Variants in TTN observed in about 807,000 individuals in gnomAD.
The protein encoded by TTN is titin, also known as connectin.
A neutral mutation model predicts 3,223.0 loss-of-function variants in TTN; 1,525 were observed. The observed-to-expected ratio is 0.47, with a 90% CI of 0.45 to 0.49. The LOEUF (loss-of-function observed/expected upper bound fraction) is 0.49. TTN is among the 20% of genes least tolerant of loss of function. The pLI, the probability that TTN is intolerant of heterozygous loss-of-function variation, is 0.00. For missense variants in TTN, 40,786 were observed against 43,424.0 expected (o/e 0.94, Z 5.40); for synonymous variants, 14,094 against 15,161.0 (o/e 0.93, Z 5.17).
At chr2:178,673,782 A>C in intron 151 of TTN, 72 bp from the exon 152 acceptor site, 1 of 1,034,028 alleles carries the variant, frequency 9.7e-7, no homozygotes, top group Non-Finnish European at 1.4e-6. Context: ...ATACCAATAA[A>C]TAAATATCAC....
chr2:178,782,082 A>G, intron 20 of TTN, 130 bp downstream of exon 20: 1 of 1,154,712 alleles, frequency 8.7e-7, no homozygotes, highest in Non-Finnish European at 1.2e-6. Context: ...AAATACCTCA[A>G]AACAAACTAA....
At position 178,612,242 on chromosome 2, in the gene TTN, A is replaced by G. The variant is rs2056462749; in HGVS notation, c.50248+35T>C. On this transcript the variant is annotated intron_variant, in intron 266 of 362. Transcript: ENST00000589042. ...TGTCACAAAAATTAAGTGCGAGAGC[A>G]CTTATTGTCACAAAGATTAAGTGCA... 3 of 1,606,946 alleles carry G rather than the reference A, an allele frequency of 1.9e-6. No individual in the cohort carries two copies. The East Asian group carries it at 6.7e-5, about 36-fold the overall frequency.
chr2:178,571,599 T>G lies in TTN; in HGVS notation c.74533A>C (p.Ile24845Leu), dbSNP rs1214451388. Residue 24845 changes from isoleucine to leucine, a missense_variant, in exon 326 of 363, where the codon ATT becomes CTT. By Grantham distance (5) the Ile-to-Leu change is conservative. Coordinates refer to ENST00000589042, the MANE Select transcript of TTN (RefSeq NM_001267550.2). Reference protein sequence around the residue: ...YDGGSSINNYIVEKRDTSTTT... With the variant: ...YDGGSSINNYLVEKRDTSTTT... ...GTGGAAGTGTCCCGTTTCTCAACAA[T>G]GTAATTATTGATAGAACTTCCACCA... The G allele has an allele frequency of 1.4e-5, 22 of 1,613,252 alleles. No homozygotes were observed. Among genetic ancestry groups the G allele is most frequent in the Non-Finnish European group, 1.5e-5 (18 of 1,179,566 alleles).
rs748057827 is a variant in TTN, at chr2:178,542,709, T to A, written c.97145A>T (p.Lys32382Met). ...RDTGEYTLEL[K>M]NVTGTTSETI... ...TTCTGAAGTAGTTCCGGTAACATTC[T>A]TCAATTCAAGTGTGTATTCTCCAGT... is the stretch of plus-strand genomic sequence containing the variant. Residue 32382 changes from lysine to methionine, a missense_variant, in exon 348 of 363, where the codon AAG (lysine) becomes ATG (methionine). By Grantham distance (95) the Lys-to-Met change is moderately conservative. Coordinates refer to ENST00000589042, the MANE Select transcript of TTN (RefSeq NM_001267550.2). The A allele has an allele frequency of 6.2e-7, 1 of 1,613,862 alleles. No homozygotes were observed. The highest frequency in any genetic ancestry group is 1.1e-5 in the South Asian group (1 of 91,080).
Position 178,729,292 on chromosome 2 carries a change from C to T in TTN, c.18864G>A (p.Leu6288=). The part of the protein sequence containing the change: ...GSCSCSTRVA[L]KEPPSFIKKI... The stretch of plus-strand genomic sequence containing the variant: ...GCTGCTTCTTGTATAACTGACCTTT[C>T]AGGGCAACTCTAGTACTGCATGAGC... Residue 6288 remains leucine, a synonymous_variant, in exon 64 of 363, where the codon CTG becomes CTA. Coordinates refer to ENST00000589042, the MANE Select transcript of TTN (RefSeq NM_001267550.2). The T allele has an allele frequency of 1.3e-6, 2 of 1,590,592 alleles. No homozygotes were observed. Among genetic ancestry groups the T allele is most frequent in the Non-Finnish European group, 1.7e-6 (2 of 1,167,076 alleles).
Position 178,666,823 on chromosome 2 carries a change from C to T in TTN, c.35875+1G>A. ...AAAGGTGACTTTCTTCCAACTTGTA[C>T]CTGTTGGTGATGGTGTTTTTCTTCT... On this transcript the variant is annotated splice_donor_variant, in intron 163 of 362. Coordinates refer to ENST00000589042, the MANE Select transcript of TTN (RefSeq NM_001267550.2). LOFTEE classifies it high-confidence loss of function. 1 of 1,558,464 alleles carries T rather than the reference C, an allele frequency of 6.4e-7. No individual in the cohort carries two copies. Among genetic ancestry groups the T allele is most frequent in the Non-Finnish European group, 8.7e-7 (1 of 1,151,978 alleles).
chr2:178,775,049 C>T lies in TTN; in HGVS notation c.6662G>A (p.Arg2221Lys). ...GMEVHEGDKY[R>K]MHSDRKVHFL... ...GTGAACCTTTCTGTCAGAGTGCATCCTGTATTTATCTCCCTCATGAACCTC... is the reference window on the plus strand; with the variant it reads ...GTGAACCTTTCTGTCAGAGTGCATCTTGTATTTATCTCCCTCATGAACCTC... Residue 2221 changes from arginine to lysine, a missense_variant, in exon 29 of 363, where the codon AGG becomes AAG. Transcript: ENST00000589042. The T allele has an allele frequency of 6.2e-7, 1 of 1,614,018 alleles. No homozygotes were observed. The highest frequency in any genetic ancestry group is 8.5e-7 in the Non-Finnish European group (1 of 1,179,964).
chr2:178,625,580 A>G (rs1040637343), intron 240 of TTN, among the ~76,000 whole-genome samples, 184 bp from the exon 241 acceptor site: 2 of 151,768 alleles, frequency 1.3e-5, no homozygotes, highest in Admixed American at 6.6e-5. Context: ...AAATTTATTT[A>G]TTATTATTAT....
At chr2:178,623,046 T>C (rs1440617061) in intron 242 of TTN, among the ~76,000 whole-genome samples, 1 of 151,878 alleles carries the variant, frequency 6.6e-6, no homozygotes, top group Non-Finnish European at 1.5e-5. Flanking sequence ...CTCAGTTCTT[T>C]TGAATAATAG....
intron 218 of TTN, among the ~76,000 whole-genome samples, chr2:178,642,752 A>G (rs1473689807): frequency 6.6e-6 from 1 of 152,070 alleles, no homozygotes; most frequent in East Asian, 1.9e-4. Flanking sequence ...CCACTGAGGG[A>G]AGAAGGTGGC....
At position 178,568,895 on chromosome 2, in the gene TTN, G is replaced by T; in HGVS notation, c.77237C>A (p.Ser25746Ter). The T allele has an allele frequency of 6.2e-7, 1 of 1,613,184 alleles. No homozygotes were observed. The stretch of plus-strand genomic sequence containing the variant: ...AAGAGACTTTACTCGAGCACACTCT[G>T]ACCATTTCTCACTGTGTTTAGCTTG... ...EMQAKHSEKW[S>*]ECARVKSLQA... The change falls in exon 326 of 363, where the codon TCA (serine) becomes TAA (stop). Residue 25746 changes from serine (S) to a stop codon, truncating the protein, a stop_gained. Coordinates refer to ENST00000589042, the MANE Select transcript of TTN (RefSeq NM_001267550.2). LOFTEE classifies it high-confidence loss of function.
In TTN at chr2:178,529,153, T is replaced by G. The variant is rs748516726; in HGVS notation, c.106598A>C (p.Lys35533Thr). 6.3e-7 allele frequency: 1 copy of G among 1,575,080 alleles called. No homozygotes were observed. The highest frequency in any genetic ancestry group is 8.6e-7 in the Non-Finnish European group (1 of 1,164,178). ...QKTSEITPQK[K>T]AVVQEEISQK... ...GGAAATTTCCTCTTGGACAACAGCTTTCTTCTGAGGTGTAATTTCAGAAGT... is the reference window on the plus strand; with the variant it reads ...GGAAATTTCCTCTTGGACAACAGCTGTCTTCTGAGGTGTAATTTCAGAAGT... Residue 35533 changes from lysine (K) to threonine (T), a missense_variant, in exon 360 of 363, where the codon AAA (lysine) becomes ACA (threonine). By Grantham distance (78) the Lys-to-Thr change is moderately conservative. Coordinates refer to ENST00000589042, the MANE Select transcript of TTN (RefSeq NM_001267550.2).
Position 178,609,965 on chromosome 2 carries a change from T to C in TTN, c.51458A>G (p.Asp17153Gly). The C allele has an allele frequency of 6.2e-7, 1 of 1,612,062 alleles. No homozygotes were observed. Among genetic ancestry groups the C allele is most frequent in the Non-Finnish European group, 8.5e-7 (1 of 1,178,960 alleles). Residue 17153 changes from aspartate (D) to glycine (G), a missense_variant, in exon 272 of 363, where the codon GAT (aspartate) becomes GGT (glycine). Transcript: ENST00000589042. ...CGCTGTAGGATTATGAACCTCTACA[T>C]CTACAGGTGGATCAGGGGGTTCTGA... is the stretch of plus-strand genomic sequence containing the variant. ...DPKQPPDPPV[D>G]VEVHNPTAEA... is the part of the protein sequence containing the mutation.
chr2:178,570,308 T>C lies in TTN; in HGVS notation c.75824A>G (p.Tyr25275Cys). 1.2e-6 allele frequency: 2 copies of C among 1,613,338 alleles called. No homozygotes were observed. Among genetic ancestry groups the C allele is most frequent in the Middle Eastern group, 3.3e-4 (2 of 6,060 alleles). The change falls in exon 326 of 363, where the codon TAT (tyrosine) becomes TGT (cysteine). Residue 25275 changes from tyrosine to cysteine, a missense_variant. Tyr to Cys is a radical substitution (Grantham distance 194). Coordinates refer to ENST00000589042, the MANE Select transcript of TTN (RefSeq NM_001267550.2). ...GTTTACTGCCATTATACGGAAAGTA[T>C]ATTCATTGCCTTCAAGAAGCTTAGT... ...KVTKLLEGNE[Y>C]TFRIMAVNKY...
chr2:178,638,838 A>T (rs114910453), intron 223 of TTN, among the ~76,000 whole-genome samples: 1 of 151,992 alleles, frequency 6.6e-6, no homozygotes, highest in Admixed American at 6.6e-5. Context: ...TGTTATGTGG[A>T]TATATTTCAT....
At position 178,563,213 on chromosome 2, in the gene TTN, G is replaced by A. The variant is rs1553571185; in HGVS notation, c.82919C>T (p.Thr27640Ile). ...QFTVTKLKEN[T>I]EYNFRICAIN... Reference sequence around the variant, plus strand: ...GGCACAAATACGGAAGTTATATTCAGTGTTTTCTTTAAGCTTGGTCACTGT... The same window carrying A: ...GGCACAAATACGGAAGTTATATTCAATGTTTTCTTTAAGCTTGGTCACTGT... The change falls in exon 326 of 363, where the codon ACT becomes ATT. Residue 27640 changes from threonine (T) to isoleucine (I), a missense_variant. Transcript: ENST00000589042. This position sits in a 1 kb window ranked among gnomAD's most constrained non-coding sequence, Gnocchi z 4.5. 1.2e-6 allele frequency: 2 copies of A among 1,613,584 alleles called. No individual in the cohort carries two copies. The highest frequency in any genetic ancestry group is 1.7e-5 in the Admixed American group (1 of 59,974).
Position 178,720,043 on chromosome 2 carries a change from T to C in TTN, c.23599A>G (p.Ile7867Val), listed in dbSNP as rs1446627286. Residue 7867 changes from isoleucine (I) to valine (V), a missense_variant, in exon 81 of 363, where the codon ATA becomes GTA. Transcript: ENST00000589042. ...SPEASNSGKYICQIKNDAGMR... is the reference protein window; with the variant it reads ...SPEASNSGKYVCQIKNDAGMR... ...CCAGCATCGTTTTTGATTTGGCATA[T>C]ATATTTTCCAGAATTAGATGCTTCT... The C allele has an allele frequency of 1.9e-6, 3 of 1,613,512 alleles. No homozygotes were observed. The highest frequency in any genetic ancestry group is 2.2e-5 in the South Asian group (2 of 91,050).
Position 178,712,056 on chromosome 2 carries a change from A to C in TTN, c.27774T>G (p.Asn9258Lys), listed in dbSNP as rs749135942. Residue 9258 changes from asparagine to lysine, a missense_variant, in exon 96 of 363, where the codon AAT becomes AAG. By Grantham distance (94) the Asn-to-Lys change is moderately conservative. Transcript: ENST00000589042. ...TTTYKMHFRN[N>K]VATLVFNQVD... is the part of the protein sequence containing the mutation. ...CCTGGTTGAAAACCAGTGTAGCAAC[A>C]TTATTCCTAAAATGCATTTTGTAAG... 2.5e-6 allele frequency: 4 copies of C among 1,613,830 alleles called. No homozygotes were observed.
In TTN at chr2:178,770,416, C is replaced by T. The variant is rs2091291216; in HGVS notation, c.8376G>A (p.Val2792=). The part of the protein sequence containing the change: ...GRLGASARLH[V]ETVKIIKKPK... ...AGTGTTTCTAAATCAACTTACTCTC[C>T]ACGTGCAGTCTGGCACTGGCTCCAA... Residue 2792 remains valine, a synonymous_variant, in exon 35 of 363, where the codon GTG becomes GTA. Coordinates refer to ENST00000589042, the MANE Select transcript of TTN (RefSeq NM_001267550.2). The T allele has an allele frequency of 6.2e-7, 1 of 1,614,142 alleles. No individual in the cohort carries two copies. The highest frequency in any genetic ancestry group is 8.5e-7 in the Non-Finnish European group (1 of 1,180,020).
Sources: allele counts gnomAD v4.1 joint callset (sites outside exome capture counted in the v4.1 genomes callset), GRCh38; gene constraint gnomAD v4.1.1; non-coding constraint Gnocchi (gnomAD v3.1); transcripts MANE v1.5; gene names NCBI Gene and HGNC (gene_info 2026-07-23, HGNC 2026-07-21).